The following CLIP2 variants were observed in gnomAD, a reference collection of about 807,000 sequenced individuals.
The protein encoded by CLIP2 is CAP-Gly domain containing linker protein 2.
In CLIP2, 41 loss-of-function variants were observed where a neutral mutation model predicts 111.7. The ratio of observed to expected loss-of-function variants is 0.37; its 90% CI spans 0.29 to 0.48. The LOEUF (loss-of-function observed/expected upper bound fraction) is 0.48, where lower values mean the gene tolerates loss of function less well. Ranked by LOEUF, CLIP2 falls within the 20% of genes least tolerant of loss-of-function variation. CLIP2 has a pLI of 0.99. For missense variants in CLIP2, 1,160 were observed against 1,422.1 expected (o/e 0.82, Z 2.96); for synonymous variants, 660 against 644.2 (o/e 1.02, Z -0.37).
At chr7:74,302,342 A>C (rs145954168) in intron 1 of CLIP2, among the ~76,000 whole-genome samples, 1 of 151,680 alleles carries the variant, frequency 6.6e-6, no homozygotes, top group East Asian at 1.9e-4. Context: ...CAGCCTCCCA[A>C]GTAGCAGGGA....
At chr7:74,357,558 A>G in intron 6 of CLIP2, 81 bp downstream of exon 6, 1 of 1,317,902 alleles carries the variant, frequency 7.6e-7, no homozygotes, top group Non-Finnish European at 1.1e-6. Flanking sequence ...GAGACCCTGG[A>G]GGGGGTGGGT....
At chr7:74,293,362 G>C (rs1213797257) in intron 1 of CLIP2, among the ~76,000 whole-genome samples, 1 of 152,112 alleles carries the variant, frequency 6.6e-6, no homozygotes, top group African/African-American at 2.4e-5. Flanking sequence ...CAGCGCATCT[G>C]TCCCGTCTCC....
At chr7:74,326,202 T>C (rs1789101439) in intron 2 of CLIP2, among the ~76,000 whole-genome samples, 1 of 152,144 alleles carries the variant, frequency 6.6e-6, no homozygotes, top group Non-Finnish European at 1.5e-5. Context: ...TTTACACCAT[T>C]GCACTCCAGC....
rs1224182654 is a variant in CLIP2 at position 74,350,290 on chromosome 7, G to C, written c.679-3590G>C. Among the ~76,000 whole-genome samples, 5 of 152,080 alleles carry C rather than the reference G, an allele frequency of 3.3e-5. No homozygotes were observed. In the East Asian group the frequency reaches 9.6e-4, roughly 29 times the overall value. On this transcript the variant is annotated intron_variant, in intron 3 of 16. Transcript: ENST00000223398. ...TGGTCTCAAACTTCTGAGCTCAGCT[G>C]ATCCACCCACCTTGGCCTCCCAAAG...
intron 2 of CLIP2, among the ~76,000 whole-genome samples, chr7:74,334,298 C>T (rs1554731762): frequency 2.0e-5 from 3 of 152,132 alleles, no homozygotes; most frequent in South Asian, 4.1e-4. Flanking sequence ...AAGAATGAAG[C>T]GAAGTATCAC....
intron 2 of CLIP2, among the ~76,000 whole-genome samples, chr7:74,319,369 G>A (rs566135261): frequency 2.4e-4 from 36 of 152,078 alleles, no homozygotes; most frequent in Non-Finnish European, 2.6e-4. Flanking sequence ...AAAATTAGCG[G>A]GATGTGGTGG....
At chr7:74,362,528 C>CTTTTTTTTTTTTTTTTTT (rs3044338) in intron 7 of CLIP2, among the ~76,000 whole-genome samples, 6 of 121,976 alleles carry the variant, frequency 4.9e-5, no homozygotes, top group Non-Finnish European at 6.5e-5. Flanking sequence ...TTTTTCTTTT[C>CTTTTTTTTTTTTTTTTTT]TTTTTTTTTT....
intron 2 of CLIP2, among the ~76,000 whole-genome samples, chr7:74,337,697 G>A (rs1789515483): frequency 6.6e-6 from 1 of 151,914 alleles, no homozygotes; most frequent in Non-Finnish European, 1.5e-5. Flanking sequence ...TCGAGTTCAA[G>A]TGATCCTCCC....
At chr7:74,393,583 G>A (rs1400129887) in intron 13 of CLIP2, among the ~76,000 whole-genome samples, 2 of 151,790 alleles carry the variant, frequency 1.3e-5, no homozygotes, top group African/African-American at 2.4e-5. Flanking sequence ...TGATCCACCC[G>A]CCTCAGCCTC....
chr7:74,300,495 G>A (rs1213364397), intron 1 of CLIP2, among the ~76,000 whole-genome samples: 4 of 144,690 alleles, frequency 2.8e-5, no homozygotes, highest in South Asian at 2.2e-4. Flanking sequence ...TCGCTCTGTC[G>A]CCCAGGCTGG....
chr7:74,316,899 C>G (rs1788790909), intron 1 of CLIP2, among the ~76,000 whole-genome samples: 1 of 151,548 alleles, frequency 6.6e-6, no homozygotes, highest in South Asian at 2.1e-4. Context: ...CAGCATGCAG[C>G]TCACGCTTTG....
At chr7:74,351,960 CAGGA>C (rs1403649341) in intron 3 of CLIP2, among the ~76,000 whole-genome samples, 1 of 152,192 alleles carries the variant, frequency 6.6e-6, no homozygotes, top group East Asian at 1.9e-4. Flanking sequence ...AAATGGTTGA[CAGGA>C]GACTCCAGGC....
chr7:74,356,556 G>A lies in CLIP2; in HGVS notation c.950G>A (p.Ser317Asn). 1.2e-6 allele frequency: 2 copies of A among 1,614,220 alleles called. No individual in the cohort carries two copies. Among genetic ancestry groups the A allele is most frequent in the Non-Finnish European group, 1.7e-6 (2 of 1,180,038 alleles). Residue 317 changes from serine (S) to asparagine (N), a missense_variant, in exon 5 of 17, where the codon AGT becomes AAT. Ser to Asn is a conservative substitution (Grantham distance 46). Transcript: ENST00000223398. ...TCAGCACTGACCCACAGTCCCAGCA[G>A]TTCCTCCATCAGCTCCGTCAGCTCT... ...GVSALTHSPS[S>N]SSISSVSSVA...
intron 13 of CLIP2, among the ~76,000 whole-genome samples, chr7:74,395,495 T>C (rs1791420989): frequency 6.6e-6 from 1 of 152,150 alleles, no homozygotes; most frequent in Non-Finnish European, 1.5e-5. Flanking sequence ...TTTTGCTATG[T>C]TGGCCAGGCT....
At chr7:74,316,418 A>G (rs929587944) in intron 1 of CLIP2, among the ~76,000 whole-genome samples, 1 of 149,896 alleles carries the variant, frequency 6.7e-6, no homozygotes, top group Admixed American at 6.7e-5. Flanking sequence ...CTAATTTTTT[A>G]TTTTTTATTT....
At chr7:74,318,712 T>TA (rs797028310) in intron 2 of CLIP2, among the ~76,000 whole-genome samples, 17 of 149,910 alleles carry the variant, frequency 1.1e-4, no homozygotes, top group East Asian at 5.9e-4. Context: ...AAACTCCATT[T>TA]AAAAAAAAAA....
intron 11 of CLIP2, chr7:74,381,595 T>G: frequency 2.2e-6 from 1 of 456,234 alleles, no homozygotes; most frequent in Non-Finnish European, 4.4e-6. Context: ...CAGTGTTAGC[T>G]TCTTTATATC....
chr7:74,301,874 G>A (rs1788346931), intron 1 of CLIP2, among the ~76,000 whole-genome samples: 1 of 147,574 alleles, frequency 6.8e-6, no homozygotes, highest in South Asian at 2.2e-4. Context: ...CACCACACCA[G>A]GCTAATTTTT....
intron 1 of CLIP2, among the ~76,000 whole-genome samples, chr7:74,303,380 G>A (rs1289971028): frequency 1.3e-5 from 2 of 152,188 alleles, no homozygotes; most frequent in Non-Finnish European, 2.9e-5. Flanking sequence ...CATGGTGCAG[G>A]ATTGGGGTGG....
Sources: allele counts gnomAD v4.1 joint callset (sites outside exome capture counted in the v4.1 genomes callset), GRCh38; gene constraint gnomAD v4.1.1; transcripts MANE v1.5; gene names NCBI Gene and HGNC (gene_info 2026-07-23, HGNC 2026-07-21).